ANKRD62: variants seen among roughly 807,000 people sequenced by gnomAD.
ANKRD62 encodes ankyrin repeat domain-containing protein 62.
Under a neutral mutation model 98.8 loss-of-function variants are expected in ANKRD62, and 61 were observed. The ratio of observed to expected loss-of-function variants is 0.62; its 90% CI spans 0.50 to 0.76. The LOEUF (loss-of-function observed/expected upper bound fraction) is 0.76. Ranked by LOEUF, ANKRD62 falls within the 30% of genes least tolerant of loss-of-function variation. The pLI, the probability that ANKRD62 is intolerant of heterozygous loss-of-function variation, is 0.00. For synonymous variants in ANKRD62, 341 were observed against 367.9 expected, an observed-to-expected ratio of 0.93 and a Z score of 0.84; for missense variants, 933 against 1,082.9, an observed-to-expected ratio of 0.86 and a Z score of 1.94.
the ANKRD62 span, among the ~76,000 whole-genome samples, chr18:12,162,644 T>A: frequency 6.6e-6 from 1 of 152,104 alleles, no homozygotes; most frequent in Non-Finnish European, 1.5e-5. Context: ...AGTTTCATAA[T>A]TTGAGGTCTT....
rs1275588982 is a variant in ANKRD62, at chr18:12,097,777, C to T, written c.752C>T (p.Ala251Val). The T allele has an allele frequency of 1.4e-5, 21 of 1,535,024 alleles. No individual in the cohort carries two copies. The highest frequency in any genetic ancestry group is 1.7e-5 in the Non-Finnish European group (19 of 1,146,020). Residue 251 changes from alanine to valine, a missense_variant and splice_region_variant, in exon 5 of 14, where the codon GCC becomes GTC. This residue lies in a region of ANKRD62 where 549 missense variants were observed against 587.9 expected (regional missense o/e 0.93). Coordinates refer to ENST00000587848, the MANE Select transcript of ANKRD62 (RefSeq NM_001277333.2). ...EDYAVASKFQ[A>V]IRGMISEYKA... is the part of the protein sequence containing the mutation. Reference sequence around the variant, plus strand: ...TACGCTGTTGCTTCTAAGTTTCAAGCGTAAGTGTTAAAAAGGCTAGTGAAC... The same window carrying T: ...TACGCTGTTGCTTCTAAGTTTCAAGTGTAAGTGTTAAAAAGGCTAGTGAAC...
chr18:12,168,748 T>C, the ANKRD62 span, among the ~76,000 whole-genome samples: 6 of 152,230 alleles, frequency 3.9e-5, no homozygotes, highest in African/African-American at 1.4e-4. Flanking sequence ...TTCACGATAT[T>C]GATTCTTCCT....
chr18:12,151,701 A>T, the ANKRD62 span, among the ~76,000 whole-genome samples: 2 of 152,200 alleles, frequency 1.3e-5, no homozygotes, highest in Non-Finnish European at 2.9e-5. Flanking sequence ...AGAAGACAAG[A>T]AATAACCAAC....
At chr18:12,135,748 G>C in the ANKRD62 span, among the ~76,000 whole-genome samples, 1 of 152,114 alleles carries the variant, frequency 6.6e-6, no homozygotes, top group African/African-American at 2.4e-5. Flanking sequence ...ACTGGTGTGA[G>C]ATGGTATCTC....
At chr18:12,137,219 C>T in the ANKRD62 span, among the ~76,000 whole-genome samples, 1 of 152,116 alleles carries the variant, frequency 6.6e-6, no homozygotes, top group Non-Finnish European at 1.5e-5. Flanking sequence ...TGAGATATGT[C>T]CCATCAATAT....
At chr18:12,103,109 A>G in intron 6 of ANKRD62, 49 bp from the exon 7 acceptor site, 1 of 1,218,376 alleles carries the variant, frequency 8.2e-7, no homozygotes, top group South Asian at 2.7e-5. Context: ...GTTTTTATCT[A>G]ATTGTTCTAA....
At chr18:12,097,611 T>G in intron 4 of ANKRD62, 29 bp from the exon 5 acceptor site, 1 of 1,517,970 alleles carries the variant, frequency 6.6e-7, no homozygotes, top group Non-Finnish European at 8.8e-7. Flanking sequence ...CTAAAGTTCC[T>G]AAGCATGAAA....
At chr18:12,133,431 G>A (rs1239019680), downstream of ANKRD62, among the ~76,000 whole-genome samples, 1 of 152,152 alleles carries the variant, frequency 6.6e-6, no homozygotes, top group Non-Finnish European at 1.5e-5. Context: ...AGGTCAAATA[G>A]TAACTGTGTT....
At chr18:12,114,655 A>G (rs9956997) in intron 8 of ANKRD62, among the ~76,000 whole-genome samples, 93,219 of 151,938 alleles carry the variant, frequency 0.61, 29,049 homozygotes, top group Middle Eastern at 0.76. Flanking sequence ...AGTATGTCCC[A>G]AAAAGGCTAG....
intron 7 of ANKRD62, among the ~76,000 whole-genome samples, chr18:12,105,749 A>G: frequency 6.6e-6 from 1 of 152,174 alleles, no homozygotes; most frequent in East Asian, 1.9e-4. Flanking sequence ...GATCAGGAAA[A>G]CATTCTATAA....
At chr18:12,109,889 G>GTCACTCGATAAATGAATTACTC (rs1909499237) in intron 8 of ANKRD62, among the ~76,000 whole-genome samples, 1 of 145,326 alleles carries the variant, frequency 6.9e-6, no homozygotes, top group Non-Finnish European at 1.5e-5. Context: ...ATGAATTACT[G>GTCACTCGATAAATGAATTACTC]TCATTCAATA....
intron 6 of ANKRD62, 73 bp downstream of exon 6, chr18:12,099,755 A>C (rs1909259176): frequency 6.3e-6 from 5 of 795,182 alleles, no homozygotes; most frequent in East Asian, 6.2e-5. Flanking sequence ...GGAAGTTTTG[A>C]TCACAAAACA....
chr18:12,123,182 G>A (rs897729843), intron 11 of ANKRD62, among the ~76,000 whole-genome samples: 8 of 151,900 alleles, frequency 5.3e-5, no homozygotes, highest in African/African-American at 9.7e-5. Flanking sequence ...CAAGTAGCTG[G>A]GATTACAGGC....
intron 10 of ANKRD62, among the ~76,000 whole-genome samples, chr18:12,116,879 C>G (rs952025421): frequency 3.3e-5 from 5 of 152,066 alleles, no homozygotes; most frequent in African/African-American, 4.8e-5. Context: ...AATGAATCTT[C>G]CTACTCTTTA....
At chr18:12,172,075 T>C in the ANKRD62 span, among the ~76,000 whole-genome samples, 22 of 152,338 alleles carry the variant, frequency 1.4e-4, no homozygotes, top group Middle Eastern at 6.8e-3. Context: ...TGGGATGGGT[T>C]TGAACATCCT....
chr18:12,115,576 T>G, intron 10 of ANKRD62, 42 bp downstream of exon 10: 1 of 1,497,252 alleles, frequency 6.7e-7, no homozygotes, highest in Non-Finnish European at 8.9e-7. Flanking sequence ...CCCTATCCTA[T>G]AGTAATGTAT....
At chr18:12,099,774 A>G in intron 6 of ANKRD62, 92 bp downstream of exon 6, 1 of 549,918 alleles carries the variant, frequency 1.8e-6, no homozygotes, top group Non-Finnish European at 2.9e-6. Flanking sequence ...CAGCAGTTTA[A>G]AAAAACCACT....
chr18:12,119,935 C>G (rs1475259790), intron 10 of ANKRD62, among the ~76,000 whole-genome samples: 1 of 151,856 alleles, frequency 6.6e-6, no homozygotes, highest in Non-Finnish European at 1.5e-5. Context: ...CTTTTTTCAT[C>G]ATCTCTTTGA....
intron 8 of ANKRD62, among the ~76,000 whole-genome samples, chr18:12,109,551 C>T (rs1909489733): frequency 6.6e-6 from 1 of 152,200 alleles, no homozygotes; most frequent in Admixed American, 6.5e-5. Flanking sequence ...TGGCACTTTA[C>T]TTTGTTACCA....
Sources: allele counts gnomAD v4.1 joint callset (sites outside exome capture counted in the v4.1 genomes callset), GRCh38; gene constraint gnomAD v4.1.1; regional missense constraint gnomAD v4.1.1; transcripts MANE v1.5; gene names NCBI Gene and HGNC (gene_info 2026-07-23, HGNC 2026-07-21).